Variants in NCKAP5 observed in about 807,000 individuals in gnomAD.
The protein encoded by NCKAP5 is nck-associated protein 5.
NCKAP5 carries 92 observed loss-of-function variants against 167.0 expected under a neutral mutation model. The observed-to-expected ratio is 0.55, with a 90% CI of 0.47 to 0.66. The LOEUF (loss-of-function observed/expected upper bound fraction) is 0.66. NCKAP5 is among the 30% of genes least tolerant of loss of function. The pLI is 0.00. For missense variants in NCKAP5, 2,378 were observed against 2,315.0 expected, an observed-to-expected ratio of 1.03 and a Z score of -0.56; for synonymous variants, 891 against 877.4, an observed-to-expected ratio of 1.02 and a Z score of -0.27.
chr2:133,146,745 T>G (rs1302072658), intron 5 of NCKAP5, among the ~76,000 whole-genome samples: 3 of 152,020 alleles, frequency 2.0e-5, no homozygotes, highest in African/African-American at 7.2e-5. Flanking sequence ...CAGTAGGCAT[T>G]TAGTGGTCTG....
chr2:132,999,110 C>G (rs2077697628), intron 6 of NCKAP5, among the ~76,000 whole-genome samples: 1 of 124,974 alleles, frequency 8.0e-6, no homozygotes, highest in Non-Finnish European at 1.9e-5. Context: ...CCAGAGGAAA[C>G]AAACTAAATA....
intron 3 of NCKAP5, among the ~76,000 whole-genome samples, chr2:133,369,872 G>T (rs1685688704): frequency 6.6e-6 from 1 of 152,184 alleles, no homozygotes; most frequent in Admixed American, 6.5e-5. Context: ...TCTATATTTT[G>T]CTTGAAGTGT....
At chr2:132,815,630 T>C (rs1386982539) in intron 11 of NCKAP5, among the ~76,000 whole-genome samples, 2 of 152,218 alleles carry the variant, frequency 1.3e-5, no homozygotes, top group Non-Finnish European at 2.9e-5. Flanking sequence ...GGAAATAAGA[T>C]GCCCTTTAAC....
intron 11 of NCKAP5, among the ~76,000 whole-genome samples, chr2:132,843,244 G>A (rs540500044): frequency 2.0e-5 from 3 of 151,908 alleles, no homozygotes; most frequent in Admixed American, 6.6e-5. Flanking sequence ...ATATCTTTAC[G>A]TTCCTATTAT....
chr2:133,447,328 A>G (rs887352152), intron 3 of NCKAP5, among the ~76,000 whole-genome samples: 3 of 152,132 alleles, frequency 2.0e-5, no homozygotes, highest in Non-Finnish European at 4.4e-5. Flanking sequence ...GCTTTTAGTA[A>G]AATAGTCTTA....
intron 3 of NCKAP5, among the ~76,000 whole-genome samples, chr2:133,488,488 C>T (rs376839003): frequency 2.4e-4 from 37 of 152,178 alleles, no homozygotes; most frequent in African/African-American, 8.9e-4. Context: ...GTTAGAGCTC[C>T]CTAGGGCAAC....
intron 8 of NCKAP5, among the ~76,000 whole-genome samples, chr2:132,950,719 G>A (rs975742032): frequency 6.6e-6 from 1 of 152,114 alleles, no homozygotes; most frequent in Non-Finnish European, 1.5e-5. Flanking sequence ...TATGCTGTTT[G>A]CCTGCAGTTG....
chr2:133,571,133 G>A (rs906747848), upstream of NCKAP5, among the ~76,000 whole-genome samples: 5 of 152,094 alleles, frequency 3.3e-5, no homozygotes, highest in Admixed American at 6.5e-5. Context: ...ACTTCATAGT[G>A]AGAAGATATC....
intron 7 of NCKAP5, among the ~76,000 whole-genome samples, chr2:132,986,316 AG>A (rs2077285087): frequency 6.6e-6 from 1 of 152,202 alleles, no homozygotes; most frequent in Admixed American, 6.6e-5. Flanking sequence ...TGAAATGAAT[AG>A]GTGTTGATGT....
chr2:132,827,042 T>C (rs1687174559), intron 11 of NCKAP5, among the ~76,000 whole-genome samples: 1 of 152,014 alleles, frequency 6.6e-6, no homozygotes, highest in South Asian at 2.1e-4. Flanking sequence ...GAGGCTGCTT[T>C]TCATGGGGAG....
intron 4 of NCKAP5, among the ~76,000 whole-genome samples, chr2:133,278,550 G>A (rs1288113687): frequency 6.6e-6 from 1 of 152,122 alleles, no homozygotes; most frequent in Non-Finnish European, 1.5e-5. Context: ...TCAACTCAGA[G>A]CTCTTACCAT....
At chr2:133,634,374 C>A in the NCKAP5 span, among the ~76,000 whole-genome samples, 19 of 152,216 alleles carry the variant, frequency 1.2e-4, no homozygotes, top group African/African-American at 4.3e-4. Flanking sequence ...TTCCAGAATG[C>A]GTGTCTCCCA....
chr2:133,461,134 G>A (rs1468506061), intron 3 of NCKAP5, among the ~76,000 whole-genome samples: 1 of 152,090 alleles, frequency 6.6e-6, no homozygotes, highest in Non-Finnish European at 1.5e-5. Context: ...AATAGAGAGG[G>A]GCGGGAAATG....
At chr2:133,405,287 C>T (rs1420619392) in intron 3 of NCKAP5, among the ~76,000 whole-genome samples, 2 of 152,174 alleles carry the variant, frequency 1.3e-5, no homozygotes, top group Non-Finnish European at 2.9e-5. Flanking sequence ...TCCTGGTCAA[C>T]AGCACTATAA....
intron 3 of NCKAP5, among the ~76,000 whole-genome samples, chr2:133,417,746 T>G (rs1337860577): frequency 6.6e-6 from 1 of 152,118 alleles, no homozygotes; most frequent in Non-Finnish European, 1.5e-5. Context: ...CCTGGTATTA[T>G]TTTGCCTGGA....
chr2:133,373,740 AAGCACAGAAAC>A (rs1228479516), intron 3 of NCKAP5, among the ~76,000 whole-genome samples: 18 of 152,234 alleles, frequency 1.2e-4, no homozygotes, highest in Admixed American at 3.3e-4. Flanking sequence ...ACAGAATAGA[AAGCACAGAAAC>A]AGCACAGAAA....
At chr2:132,810,998 G>C (rs1574297206) in intron 11 of NCKAP5, among the ~76,000 whole-genome samples, 1 of 152,078 alleles carries the variant, frequency 6.6e-6, no homozygotes, top group African/African-American at 2.4e-5. Flanking sequence ...TTTTCCTATG[G>C]ATGTGGCTTC....
rs539628778 is a variant in NCKAP5 at position 133,088,266 on chromosome 2, A to T, written c.341+41712T>A. Reference sequence around the variant, plus strand: ...GTTGGCACGGGCACTAAACAAAGGCATACCTCATTCACATTTTTGCAGAAG... The same window carrying T: ...GTTGGCACGGGCACTAAACAAAGGCTTACCTCATTCACATTTTTGCAGAAG... On this transcript the variant is annotated intron_variant, in intron 6 of 19. Transcript: ENST00000409261. 2.0e-5 allele frequency among the ~76,000 whole-genome samples: 3 copies of T among 152,316 alleles called. No individual in the cohort carries two copies. The South Asian group carries it at 6.2e-4, about 32-fold the overall frequency.
chr2:132,992,036 C>A (rs2077464351), intron 7 of NCKAP5, among the ~76,000 whole-genome samples: 1 of 152,182 alleles, frequency 6.6e-6, no homozygotes, highest in South Asian at 2.1e-4. Flanking sequence ...GCCCAGGGCA[C>A]AAGGCTGTCC....
Sources: allele counts gnomAD v4.1 joint callset (sites outside exome capture counted in the v4.1 genomes callset), GRCh38; gene constraint gnomAD v4.1.1; transcripts MANE v1.5; gene names NCBI Gene and HGNC (gene_info 2026-07-23, HGNC 2026-07-21).